Variants in ARHGEF28 observed in about 807,000 individuals in gnomAD.
ARHGEF28 encodes the protein Rho guanine nucleotide exchange factor 28.
A neutral mutation model predicts 206.6 loss-of-function variants in ARHGEF28; 152 were observed. The observed-to-expected ratio is 0.74, with a 90% confidence interval of 0.64 to 0.84. ARHGEF28 has a LOEUF of 0.84. ARHGEF28 is among the 40% of genes least tolerant of loss of function. The pLI is 0.00. For missense variants in ARHGEF28, 2,028 were observed against 2,073.2 expected (o/e 0.98, Z 0.42); for synonymous variants, 763 against 776.4 (o/e 0.98, Z 0.29).
intron 9 of ARHGEF28, among the ~76,000 whole-genome samples, chr5:73,821,309 A>T (rs1218302423): frequency 6.6e-6 from 1 of 152,180 alleles, no homozygotes; most frequent in Non-Finnish European, 1.5e-5. Context: ...GGACACATAA[A>T]AAATAAGGGA....
At chr5:73,765,802 A>G (rs1381388272) in intron 4 of ARHGEF28, among the ~76,000 whole-genome samples, 1 of 152,226 alleles carries the variant, frequency 6.6e-6, no homozygotes, top group African/African-American at 2.4e-5. Flanking sequence ...AAATCAGAAT[A>G]AAACTTATTT....
intron 1 of ARHGEF28, among the ~76,000 whole-genome samples, chr5:73,679,534 T>C: frequency 7.1e-6 from 1 of 140,200 alleles, no homozygotes; most frequent in African/African-American, 2.7e-5. Flanking sequence ...GCCACTGCAC[T>C]CCAGCCTGGG....
chr5:73,683,705 T>G (rs1747255519), intron 1 of ARHGEF28, among the ~76,000 whole-genome samples: 1 of 151,682 alleles, frequency 6.6e-6, no homozygotes, highest in Non-Finnish European at 1.5e-5. Flanking sequence ...ATCCTACCCA[T>G]GTGTTCATGC....
intron 1 of ARHGEF28, among the ~76,000 whole-genome samples, chr5:73,641,403 G>GGTTTTTTTTTTTTTTTTTTTT (rs1561302852): frequency 6.9e-6 from 1 of 145,544 alleles, no homozygotes. Flanking sequence ...CAGGGGAAAG[G>GGTTTTTTTTTTTTTTTTTTTT]CTTTTTTTTT....
At chr5:73,798,529 T>C (rs1328185770) in intron 9 of ARHGEF28, among the ~76,000 whole-genome samples, 1 of 152,184 alleles carries the variant, frequency 6.6e-6, no homozygotes, top group African/African-American at 2.4e-5. Flanking sequence ...GCAGGACTTA[T>C]GGCCCCATTC....
At chr5:73,632,191 G>A (rs1052135955) in intron 1 of ARHGEF28, among the ~76,000 whole-genome samples, 5 of 152,128 alleles carry the variant, frequency 3.3e-5, no homozygotes, top group African/African-American at 4.8e-5. Context: ...TGTGGATTGC[G>A]TTGGAAAACA....
chr5:73,652,375 T>C (rs1744887968), intron 1 of ARHGEF28, among the ~76,000 whole-genome samples: 1 of 152,132 alleles, frequency 6.6e-6, no homozygotes, highest in Non-Finnish European at 1.5e-5. Context: ...AGGATTTAGC[T>C]ATTCATAGAG....
At chr5:73,880,213 G>A (rs1306202081) in intron 22 of ARHGEF28, among the ~76,000 whole-genome samples, 2 of 152,208 alleles carry the variant, frequency 1.3e-5, no homozygotes, top group African/African-American at 4.8e-5. Context: ...GACTCCGTGG[G>A]TGTAGGACCC....
At chr5:73,897,848 C>T in intron 29 of ARHGEF28, 114 bp from the exon 30 acceptor site, 1 of 1,208,912 alleles carries the variant, frequency 8.3e-7, no homozygotes, top group Non-Finnish European at 1.1e-6. Flanking sequence ...ATTTTTAGCC[C>T]CTGGGTCCTA....
intron 35 of ARHGEF28, among the ~76,000 whole-genome samples, chr5:73,938,002 G>A (rs564996082): frequency 2.8e-4 from 42 of 152,202 alleles, no homozygotes; most frequent in Admixed American, 2.6e-4. Flanking sequence ...TTGAGTTCCC[G>A]TCCAGGTGAC....
chr5:73,911,837 T>C, intron 35 of ARHGEF28: 2 of 407,652 alleles, frequency 4.9e-6, no homozygotes, highest in Non-Finnish European at 8.8e-6. Context: ...GATTTTTAGA[T>C]GTGTGGGTTA....
At position 73,927,285 on chromosome 5, in the gene ARHGEF28, G is replaced by A. The variant is rs188263339; in HGVS notation, c.4949-13559G>A. 7.2e-5 allele frequency among the ~76,000 whole-genome samples: 11 copies of A among 152,284 alleles called. No homozygotes were observed. The East Asian group carries it at 2.1e-3, about 29-fold the overall frequency. ...TTAGCTACTTGGGGGGCTGAGGCAGGAGGATCACATGAGCCTGGGAGGCTG... is the reference window on the plus strand; with the variant it reads ...TTAGCTACTTGGGGGGCTGAGGCAGAAGGATCACATGAGCCTGGGAGGCTG... On this transcript the variant is annotated intron_variant, in intron 35 of 35. Transcript: ENST00000513042.
At chr5:73,762,461 A>AC (rs1436951608) in intron 4 of ARHGEF28, among the ~76,000 whole-genome samples, 4 of 151,042 alleles carry the variant, frequency 2.6e-5, no homozygotes, top group African/African-American at 9.7e-5. Flanking sequence ...CTCTCAAAAA[A>AC]AAAAAAAAAA....
chr5:73,886,248 T>G (rs959187919), intron 25 of ARHGEF28, 144 bp downstream of exon 25: 12 of 1,085,270 alleles, frequency 1.1e-5, no homozygotes, highest in Non-Finnish European at 1.5e-5. Flanking sequence ...TTTGTGAATT[T>G]CAATAGGCAA....
intron 10 of ARHGEF28, among the ~76,000 whole-genome samples, chr5:73,839,705 C>T (rs998934947): frequency 6.6e-6 from 1 of 152,196 alleles, no homozygotes; most frequent in Admixed American, 6.5e-5. Context: ...AGTCTTATAG[C>T]AGGAGCACGA....
At chr5:73,634,691 C>G (rs989707072) in intron 1 of ARHGEF28, among the ~76,000 whole-genome samples, 2 of 152,150 alleles carry the variant, frequency 1.3e-5, no homozygotes, top group Non-Finnish European at 2.9e-5. Context: ...TGTCCAGCAG[C>G]CTGGAACTGA....
intron 1 of ARHGEF28, among the ~76,000 whole-genome samples, chr5:73,641,752 A>G (rs139272173): frequency 1.4e-3 from 207 of 152,282 alleles, no homozygotes; most frequent in African/African-American, 4.8e-3. Context: ...TCCCTGCAGC[A>G]TTTGAGGGCT....
At chr5:73,929,478 A>G (rs1301946309) in intron 35 of ARHGEF28, among the ~76,000 whole-genome samples, 1 of 141,658 alleles carries the variant, frequency 7.1e-6, no homozygotes, top group Non-Finnish European at 1.5e-5. Context: ...TGTTTCACAA[A>G]TGTTATGTGT....
intron 1 of ARHGEF28, among the ~76,000 whole-genome samples, chr5:73,645,414 G>T (rs1744368052): frequency 6.6e-6 from 1 of 152,094 alleles, no homozygotes; most frequent in Admixed American, 6.6e-5. Context: ...TTTCTTCTCA[G>T]ATTGTTTCCT....
Sources: allele counts gnomAD v4.1 joint callset (sites outside exome capture counted in the v4.1 genomes callset), GRCh38; gene constraint gnomAD v4.1.1; transcripts MANE v1.5; gene names NCBI Gene and HGNC (gene_info 2026-07-23, HGNC 2026-07-21).